The following EPN2 variants were observed in gnomAD, a reference collection of about 807,000 sequenced individuals.
EPN2 encodes the protein epsin 2.
In EPN2, 34 loss-of-function variants were observed where a neutral mutation model predicts 61.7. That is an observed-to-expected ratio of 0.55 (90% confidence interval 0.42 to 0.73). EPN2 has a LOEUF of 0.73. Among genes scored for constraint, EPN2 ranks in the 30% least tolerant of loss-of-function variants. EPN2 has a pLI of 0.00. For missense variants in EPN2, 714 were observed against 839.2 expected (o/e 0.85, Z 1.84); for synonymous variants, 349 against 353.6 (o/e 0.99, Z 0.15).
intron 4 of EPN2, among the ~76,000 whole-genome samples, chr17:19,297,593 G>T (rs1038853706): frequency 3.9e-5 from 6 of 152,144 alleles, no homozygotes; most frequent in Non-Finnish European, 7.4e-5. Flanking sequence ...TGCTGGGTGT[G>T]GGGGAAGGTG....
In EPN2 at chr17:19,283,966, T is replaced by C. The variant is rs943225159; in HGVS notation, c.595+252T>C. Among the ~76,000 whole-genome samples, 12 of 152,306 alleles carry C rather than the reference T, an allele frequency of 7.9e-5. No individual in the cohort carries two copies. The highest frequency in any genetic ancestry group is 4.6e-4 in the Admixed American group (7 of 15,292). On this transcript the variant is annotated intron_variant, in intron 3 of 10. Transcript: ENST00000314728. This position sits in a 1 kb window ranked among gnomAD's most constrained non-coding sequence, Gnocchi z 7.0. The stretch of plus-strand genomic sequence containing the variant: ...CTTTGCTGCTCTGGGCCTCATTCTG[T>C]ACATCTGGGCAGACGGTGGGCAGAG...
At chr17:19,237,566 C>G (rs912103483) in intron 1 of EPN2, 35 bp downstream of exon 1, 1 of 152,320 alleles carries the variant, frequency 6.6e-6, no homozygotes, top group Non-Finnish European at 1.5e-5. Flanking sequence ...AAGGCCAGAG[C>G]GAGTCCCCGG....
chr17:19,251,718 G>C (rs2045017750), intron 1 of EPN2, among the ~76,000 whole-genome samples: 1 of 152,146 alleles, frequency 6.6e-6, no homozygotes, highest in South Asian at 2.1e-4. Flanking sequence ...ACAGGCGTGA[G>C]CCACTGCACC....
At chr17:19,256,976 A>G (rs2045087366) in intron 1 of EPN2, among the ~76,000 whole-genome samples, 1 of 152,230 alleles carries the variant, frequency 6.6e-6, no homozygotes, top group Admixed American at 6.5e-5. Flanking sequence ...TGCTTTAAAG[A>G]GAAACAAGAA....
intron 1 of EPN2, among the ~76,000 whole-genome samples, chr17:19,266,560 G>C (rs981822727): frequency 6.6e-6 from 1 of 151,832 alleles, no homozygotes; most frequent in African/African-American, 2.4e-5. Context: ...CCGCTACCAC[G>C]CCTGGCTAAT....
intron 7 of EPN2, 32 bp from the exon 8 acceptor site, chr17:19,328,679 C>A: frequency 6.4e-7 from 1 of 1,568,718 alleles, no homozygotes; most frequent in South Asian, 1.2e-5. Context: ...CCTCTGAAGG[C>A]ATTTCTGAGC....
At chr17:19,327,857 C>G (rs1906956952) in intron 7 of EPN2, among the ~76,000 whole-genome samples, 1 of 152,124 alleles carries the variant, frequency 6.6e-6, no homozygotes, top group Non-Finnish European at 1.5e-5. Context: ...ATTGGGGAGG[C>G]ACTTTCTGGT....
chr17:19,312,721 T>C (rs1260828074), intron 6 of EPN2, among the ~76,000 whole-genome samples: 4 of 152,146 alleles, frequency 2.6e-5, no homozygotes, highest in Non-Finnish European at 4.4e-5. Context: ...GGGGTGGTCT[T>C]GAGAGTGGGG....
intron 1 of EPN2, among the ~76,000 whole-genome samples, chr17:19,279,107 C>T (rs570648782): frequency 1.1e-3 from 161 of 152,210 alleles, no homozygotes; most frequent in Non-Finnish European, 1.9e-3. Flanking sequence ...TTAAGTATTT[C>T]AGAGACCATC....
intron 4 of EPN2, among the ~76,000 whole-genome samples, chr17:19,300,978 A>G (rs959189708): frequency 1.3e-5 from 2 of 152,186 alleles, no homozygotes; most frequent in African/African-American, 4.8e-5. Context: ...GTGGCCTTAG[A>G]GCTGATACTT....
chr17:19,270,844 C>T (rs576492984), intron 1 of EPN2, among the ~76,000 whole-genome samples: 160 of 152,294 alleles, frequency 1.1e-3, no homozygotes, highest in Non-Finnish European at 6.2e-4. Flanking sequence ...GCCTGGGCTT[C>T]GGCAGGTGCT....
intron 1 of EPN2, among the ~76,000 whole-genome samples, chr17:19,245,196 C>T (rs907634610): frequency 6.6e-6 from 1 of 152,090 alleles, no homozygotes; most frequent in African/African-American, 2.4e-5. Context: ...CCTAGGGCTA[C>T]CCTAGATGGC....
At position 19,331,963 on chromosome 17, in the gene EPN2, A is replaced by G; in HGVS notation, c.1522A>G (p.Thr508Ala). Residue 508 changes from threonine to alanine, a missense_variant, in exon 10 of 11, where the codon ACA becomes GCA. This residue lies in a region of EPN2 where 410 missense variants were observed against 421.8 expected (regional missense o/e 0.97). Transcript: ENST00000314728. ...ASSKPSSARK[T>A]PESFLGPNAA... ...AAGCAAGCCCAGCAGTGCCCGGAAA[A>G]CACCTGAGTCCTTCCTGGGCCCCAA... The G allele has an allele frequency of 6.2e-7, 1 of 1,614,054 alleles. No homozygotes were observed. Among genetic ancestry groups the G allele is most frequent in the Non-Finnish European group, 8.5e-7 (1 of 1,180,012 alleles).
intron 4 of EPN2, chr17:19,296,736 G>T (rs1479730976): frequency 6.6e-6 from 1 of 152,170 alleles, no homozygotes; most frequent in Admixed American, 6.5e-5. Context: ...GCCTTGCCTA[G>T]TAGCTGGAAG....
In EPN2 at chr17:19,285,515, C is replaced by T. The variant is rs981830283; in HGVS notation, c.596-105C>T. On this transcript the variant is annotated intron_variant, in intron 3 of 10. Coordinates refer to ENST00000314728, the MANE Select transcript of EPN2 (RefSeq NM_014964.5). This position sits in a 1 kb window ranked among gnomAD's most constrained non-coding sequence, Gnocchi z 4.5. ...TCACAGCTTCCACCGCAGTGGGCTG[C>T]GGGGTTGACCCCGAGTGGCCTTGGC... 31 of 1,356,346 alleles carry T rather than the reference C, an allele frequency of 2.3e-5. No individual in the cohort carries two copies. The African/African-American group carries it at 3.3e-4, about 14-fold the overall frequency. 84.0% of individuals were successfully genotyped at this position (1,356,346 alleles called of 1,614,324 possible).
intron 9 of EPN2, among the ~76,000 whole-genome samples, chr17:19,331,194 G>T (rs535231028): frequency 6.6e-6 from 1 of 152,170 alleles, no homozygotes; most frequent in Non-Finnish European, 1.5e-5. Flanking sequence ...TAATTTGGGG[G>T]AGGACATTTT....
intron 4 of EPN2, among the ~76,000 whole-genome samples, chr17:19,303,337 GC>G (rs1905630037): frequency 6.6e-6 from 1 of 152,184 alleles, no homozygotes; most frequent in Non-Finnish European, 1.5e-5. Flanking sequence ...GTGTCTTGCT[GC>G]TGATCAGCCT....
chr17:19,307,447 A>G (rs1905900256), intron 4 of EPN2, among the ~76,000 whole-genome samples: 1 of 151,960 alleles, frequency 6.6e-6, no homozygotes, highest in Admixed American at 6.6e-5. Flanking sequence ...AGTAGCTGGG[A>G]TTATGGGTGC....
chr17:19,334,274 C>G lies in EPN2; in HGVS notation c.*20C>G. 1 of 1,422,384 alleles carries G rather than the reference C, an allele frequency of 7.0e-7. No individual in the cohort carries two copies. Among genetic ancestry groups the G allele is most frequent in the Non-Finnish European group, 9.3e-7 (1 of 1,080,088 alleles). The allele number at this position is 1,422,384 out of a possible 1,614,324, so 88.1% of individuals were successfully genotyped here. On this transcript the variant is annotated 3_prime_UTR_variant, in exon 11 of 11. Coordinates refer to ENST00000314728, the MANE Select transcript of EPN2 (RefSeq NM_014964.5). The surrounding 1 kb of genome is among the most constrained non-coding windows in gnomAD (Gnocchi z 4.9). ...CTCTAGTGCCTGGGCCTGGGACCCA[C>G]CCAGAGCACCTGTGCTGGAGGATGC...
Sources: allele counts gnomAD v4.1 joint callset (sites outside exome capture counted in the v4.1 genomes callset), GRCh38; gene constraint gnomAD v4.1.1; regional missense constraint gnomAD v4.1.1; non-coding constraint Gnocchi (gnomAD v3.1); transcripts MANE v1.5; gene names NCBI Gene and HGNC (gene_info 2026-07-23, HGNC 2026-07-21).